The following NPR3 variants were observed in gnomAD, a reference collection of about 807,000 sequenced individuals.
The protein encoded by NPR3 is atrial natriuretic peptide receptor 3.
A neutral mutation model predicts 54.5 loss-of-function variants in NPR3; 34 were observed. The observed-to-expected ratio is 0.62, with a 90% confidence interval of 0.47 to 0.83. The LOEUF is 0.83. Among genes scored for constraint, NPR3 ranks in the 40% least tolerant of loss-of-function variants. NPR3 has a pLI of 0.00. For synonymous variants in NPR3, 289 were observed against 297.1 expected (o/e 0.97, Z 0.28); for missense variants, 674 against 720.8 (o/e 0.94, Z 0.74).
chr5:32,738,986 G>T lies in NPR3; in HGVS notation c.1015G>T (p.Val339Leu). Residue 339 changes from valine to leucine, a missense_variant, in exon 3 of 8, where the codon GTG becomes TTG. Physicochemically the swap from Val to Leu is conservative, Grantham distance 32 (BLOSUM62 1). Coordinates refer to ENST00000265074, the MANE Select transcript of NPR3 (RefSeq NM_001204375.2). ...KPEFEKFSME[V>L]KSSVEKQGLN... ...TGAGTTTGAGAAGTTTTCCATGGAGGTGAAAAGTTCAGTTGAGAAACAAGG... is the reference window on the plus strand; with the variant it reads ...TGAGTTTGAGAAGTTTTCCATGGAGTTGAAAAGTTCAGTTGAGAAACAAGG... 1 of 1,613,992 alleles carries T rather than the reference G, an allele frequency of 6.2e-7. No individual in the cohort carries two copies. Among genetic ancestry groups the T allele is most frequent in the Non-Finnish European group, 8.5e-7 (1 of 1,179,868 alleles).
chr5:32,743,443 T>A (rs1023411333), intron 3 of NPR3, among the ~76,000 whole-genome samples: 1 of 150,714 alleles, frequency 6.6e-6, no homozygotes, highest in African/African-American at 2.4e-5. Flanking sequence ...CTGTGTAGAT[T>A]TGAGTGTTTG....
At position 32,787,269 on chromosome 5, in the gene NPR3, T is replaced by C. The variant is rs925111804; in HGVS notation, c.*924T>C. The stretch of plus-strand genomic sequence containing the variant: ...AATTGCTGCTTTAATTACAGAGATG[T>C]GTAAATGTATTCAGATTACAAACTC... On this transcript the variant is annotated 3_prime_UTR_variant, in exon 8 of 8. Coordinates refer to ENST00000265074, the MANE Select transcript of NPR3 (RefSeq NM_001204375.2). 6.6e-6 allele frequency: 1 copy of C among 152,520 alleles called. No homozygotes were observed. The highest frequency in any genetic ancestry group is 2.4e-5 in the African/African-American group (1 of 41,468). 9.4% of individuals were successfully genotyped at this position (152,520 alleles called of 1,614,324 possible). A position where few individuals can be genotyped will look rare whatever the true frequency, so the allele number is the denominator to read the frequency against.
chr5:32,730,081 T>C (rs1739375441), intron 2 of NPR3, among the ~76,000 whole-genome samples: 4 of 152,138 alleles, frequency 2.6e-5, no homozygotes, highest in Admixed American at 2.6e-4. Flanking sequence ...TTGTCTTTCA[T>C]GACTTTGACA....
At chr5:32,750,281 A>C (rs920341441) in intron 3 of NPR3, among the ~76,000 whole-genome samples, 5 of 152,128 alleles carry the variant, frequency 3.3e-5, no homozygotes, top group Non-Finnish European at 5.9e-5. Context: ...CGCGCCGGCT[A>C]CCACGCATGG....
Position 32,728,190 on chromosome 5 carries a change from C to T in NPR3, c.892+3370C>T, listed in dbSNP as rs141547868. Among the ~76,000 whole-genome samples the T allele has an allele frequency of 4.7e-3, 713 of 152,226 alleles. 3 individuals carry two copies. The highest frequency in any genetic ancestry group is 0.012 in the African/African-American group (494 of 41,524). ...TCAAGAGCAGTTTTTAGCTGGACTG[C>T]GGTGGCTCATGCCTTTAATGCTAGC... On this transcript the variant is annotated intron_variant, in intron 2 of 7. Coordinates refer to ENST00000265074, the MANE Select transcript of NPR3 (RefSeq NM_001204375.2).
chr5:32,729,150 C>T (rs1425922045), intron 2 of NPR3, among the ~76,000 whole-genome samples: 3 of 149,198 alleles, frequency 2.0e-5, no homozygotes, highest in East Asian at 2.0e-4. Flanking sequence ...CTGCCTCAGC[C>T]TCCCAAGTAG....
intron 5 of NPR3, among the ~76,000 whole-genome samples, chr5:32,782,036 G>A (rs1400392268): frequency 6.6e-6 from 1 of 152,126 alleles, no homozygotes; most frequent in African/African-American, 2.4e-5. Flanking sequence ...TGGGGCTTAG[G>A]GAGCTGATCC....
rs748339588 is a variant in NPR3 at position 32,738,933 on chromosome 5, C to G, written c.962C>G (p.Thr321Arg). The G allele has an allele frequency of 5.0e-6, 8 of 1,613,824 alleles. No individual in the cohort carries two copies. The highest frequency in any genetic ancestry group is 6.8e-6 in the Non-Finnish European group (8 of 1,179,710). The change falls in exon 3 of 8, where the codon ACA (threonine) becomes AGA (arginine). Residue 321 changes from threonine (T) to arginine (R), a missense_variant. Thr to Arg is a moderately conservative substitution (Grantham distance 71). Coordinates refer to ENST00000265074, the MANE Select transcript of NPR3 (RefSeq NM_001204375.2). ...EAKQAYSSLQ[T>R]VTLLRTVKPE... is the part of the protein sequence containing the mutation. ...AAGCAAGCATACTCGTCCCTCCAGACAGTCACTCTACTGAGGACAGTGAAA... is the reference window on the plus strand; with the variant it reads ...AAGCAAGCATACTCGTCCCTCCAGAGAGTCACTCTACTGAGGACAGTGAAA...
At chr5:32,710,221 G>C (rs898917991), upstream of NPR3, 1 of 152,312 alleles carries the variant, frequency 6.6e-6, no homozygotes, top group Non-Finnish European at 1.5e-5. Flanking sequence ...GGGTCTCCGA[G>C]GCAGGACCTT....
intron 2 of NPR3, among the ~76,000 whole-genome samples, chr5:32,730,360 A>G (rs138079968): frequency 3.6e-4 from 55 of 152,320 alleles, no homozygotes; most frequent in African/African-American, 1.2e-3. Flanking sequence ...AAAACCTCGC[A>G]GCTGATATCA....
chr5:32,752,552 C>T (rs1307898532), intron 3 of NPR3, among the ~76,000 whole-genome samples: 3 of 152,186 alleles, frequency 2.0e-5, no homozygotes, highest in Non-Finnish European at 2.9e-5. Flanking sequence ...TCCCCTCCTT[C>T]GCCCTCACTC....
intron 2 of NPR3, among the ~76,000 whole-genome samples, chr5:32,736,230 C>CA (rs56211529): frequency 0.069 from 4,420 of 64,476 alleles, 169 homozygotes; most frequent in Non-Finnish European, 0.084. Flanking sequence ...CACTCTGTCT[C>CA]AAAAAAAAAA....
rs1742639719 is a variant in NPR3 at position 32,786,490 on chromosome 5, A to C, written c.*145A>C. ...AATTTCATTTTAAAATTTCTGTAGAAGCTCAGGAATTATGATTAATCACCA... is the reference window on the plus strand; with the variant it reads ...AATTTCATTTTAAAATTTCTGTAGACGCTCAGGAATTATGATTAATCACCA... On this transcript the variant is annotated 3_prime_UTR_variant, in exon 8 of 8. Coordinates refer to ENST00000265074, the MANE Select transcript of NPR3 (RefSeq NM_001204375.2). 6.3e-6 allele frequency: 4 copies of C among 638,798 alleles called. No homozygotes were observed. Among genetic ancestry groups the C allele is most frequent in the South Asian group, 5.7e-5 (3 of 52,344 alleles). 39.6% of individuals were successfully genotyped at this position (638,798 alleles called of 1,614,324 possible).
intron 1 of NPR3, among the ~76,000 whole-genome samples, chr5:32,714,653 A>G (rs1738455963): frequency 6.6e-6 from 1 of 152,186 alleles, no homozygotes; most frequent in Non-Finnish European, 1.5e-5. Context: ...AGAAATAGGA[A>G]ACAAAACAGT....
intron 4 of NPR3, among the ~76,000 whole-genome samples, chr5:32,779,928 C>T (rs892367170): frequency 8.5e-5 from 13 of 152,254 alleles, no homozygotes; most frequent in African/African-American, 1.4e-4. Context: ...TACTATTATG[C>T]CCATTTTACA....
chr5:32,724,438 T>C (rs1739030589), intron 1 of NPR3, among the ~76,000 whole-genome samples: 1 of 152,202 alleles, frequency 6.6e-6, no homozygotes, highest in East Asian at 1.9e-4. Context: ...TATCTGGACA[T>C]TTTTGGTCCT....
chr5:32,691,837 T>C lies in NPR3; in HGVS notation c.100+2651T>C, dbSNP rs565806377. The stretch of plus-strand genomic sequence containing the variant: ...GCGAGGAGAAGGAATAAGTAAAACA[T>C]GTTAGCATGTTATGCAGCATGCAAA... On this transcript the variant is annotated intron_variant, in intron 1 of 5. Coordinates refer to the NPR3 transcript ENST00000509104. Among the ~76,000 whole-genome samples, 8 of 152,376 alleles carry C rather than the reference T, an allele frequency of 5.3e-5. No homozygotes were observed. In the South Asian group the frequency reaches 1.7e-3, roughly 32 times the overall value.
chr5:32,775,050 G>T (rs759543379), intron 4 of NPR3, among the ~76,000 whole-genome samples: 45 of 152,154 alleles, frequency 3.0e-4, no homozygotes, highest in Non-Finnish European at 5.9e-4. Flanking sequence ...AAAGAGGAAA[G>T]GCCTTGTCTC....
At chr5:32,751,922 C>T (rs893274040) in intron 3 of NPR3, among the ~76,000 whole-genome samples, 2 of 152,156 alleles carry the variant, frequency 1.3e-5, no homozygotes, top group South Asian at 2.1e-4. Context: ...CAACTTGGGG[C>T]TGGGTGTGGT....
Sources: allele counts gnomAD v4.1 joint callset (sites outside exome capture counted in the v4.1 genomes callset), GRCh38; gene constraint gnomAD v4.1.1; transcripts MANE v1.5; gene names NCBI Gene and HGNC (gene_info 2026-07-23, HGNC 2026-07-21).